The following RPGRIP1 variants were observed in gnomAD, a reference collection of about 807,000 sequenced individuals.
RPGRIP1 encodes the protein X-linked retinitis pigmentosa GTPase regulator-interacting protein 1.
In RPGRIP1, 128 loss-of-function variants were observed where a neutral mutation model predicts 157.9. The observed-to-expected ratio is 0.81, with a 90% CI of 0.70 to 0.94. RPGRIP1 has a LOEUF of 0.94. RPGRIP1 is among the 40% of genes least tolerant of loss of function. RPGRIP1 has a pLI of 0.00. For synonymous variants in RPGRIP1, 554 were observed against 571.6 expected (o/e 0.97, Z 0.44); for missense variants, 1,486 against 1,545.8 (o/e 0.96, Z 0.65).
Position 21,320,082 on chromosome 14 carries a change from C to T in RPGRIP1, c.1372C>T (p.Leu458Phe). Residue 458 changes from leucine (L) to phenylalanine (F), a missense_variant, in exon 12 of 25, where the codon CTC becomes TTC. By Grantham distance (22) the Leu-to-Phe change is conservative. Transcript: ENST00000400017. Reference sequence around the variant, plus strand: ...TCAGAAGCATAAACAGGAAGTAGAGCTCCTCCAAAATGCAGCCACAATTTC... The same window carrying T: ...TCAGAAGCATAAACAGGAAGTAGAGTTCCTCCAAAATGCAGCCACAATTTC... ...ILQKHKQEVE[L>F]LQNAATISQP... The T allele has an allele frequency of 1.2e-6, 2 of 1,613,596 alleles. No individual in the cohort carries two copies. The highest frequency in any genetic ancestry group is 1.7e-6 in the Non-Finnish European group (2 of 1,179,680).
chr14:21,291,351 G>A (rs1451727645), intron 2 of RPGRIP1, among the ~76,000 whole-genome samples: 4 of 152,078 alleles, frequency 2.6e-5, no homozygotes, highest in Non-Finnish European at 5.9e-5. Flanking sequence ...ATAGGAAACC[G>A]TTGTTCAGGA....
At position 21,324,666 on chromosome 14, in the gene RPGRIP1, T is replaced by C; in HGVS notation, c.1811T>C (p.Leu604Ser). The C allele has an allele frequency of 1.2e-6, 2 of 1,614,034 alleles. No individual in the cohort carries two copies. The highest frequency in any genetic ancestry group is 1.7e-6 in the Non-Finnish European group (2 of 1,179,910). Residue 604 changes from leucine to serine, a missense_variant, in exon 15 of 25, where the codon TTG (leucine) becomes TCG (serine). Transcript: ENST00000400017. Reference protein sequence around the residue: ...AYGTRPLSLCLETLPAHGDED... With the variant: ...AYGTRPLSLCSETLPAHGDED... The stretch of plus-strand genomic sequence containing the variant: ...GGCACCCGACCGTTGTCGTTATGTT[T>C]GGAAACACTGCCAGCCCATGGAGAT...
intron 6 of RPGRIP1, among the ~76,000 whole-genome samples, chr14:21,305,151 A>G (rs1282602547): frequency 6.6e-6 from 1 of 152,198 alleles, no homozygotes; most frequent in Non-Finnish European, 1.5e-5. Flanking sequence ...ACATGTATCC[A>G]TCATTATAGC....
At chr14:21,341,235 T>C (rs910246804) in intron 21 of RPGRIP1, among the ~76,000 whole-genome samples, 5 of 152,146 alleles carry the variant, frequency 3.3e-5, no homozygotes, top group African/African-American at 1.2e-4. Flanking sequence ...TTCACCATGT[T>C]GGCCAGGCTG....
intron 23 of RPGRIP1, among the ~76,000 whole-genome samples, chr14:21,347,882 T>C (rs1287910580): frequency 6.6e-6 from 1 of 152,158 alleles, no homozygotes; most frequent in African/African-American, 2.4e-5. Flanking sequence ...TGTGCCACCA[T>C]GCCCGGCTAA....
Position 21,345,001 on chromosome 14 carries a change from AAG to A in RPGRIP1, c.3533-111_3533-110del, listed in dbSNP as rs1885419043. The A allele has an allele frequency of 2.4e-5, 17 of 716,088 alleles. 1 individual carries two copies. The South Asian group carries it at 2.4e-4, about 10-fold the overall frequency. The allele number at this position is 716,088 out of a possible 1,614,324, so 44.4% of individuals were successfully genotyped here. A position where few individuals can be genotyped will look rare whatever the true frequency, so the allele number is the denominator to read the frequency against. On this transcript the variant is annotated intron_variant, in intron 22 of 24. Transcript: ENST00000400017. Reference sequence around the variant, plus strand: ...GGTCCATGTTATTCTAGATCCAGGCAAGGAGTCTAATCTTTTTATGAAAACTA... The same window carrying A: ...GGTCCATGTTATTCTAGATCCAGGCAGAGTCTAATCTTTTTATGAAAACTA...
rs369991630 is a variant in RPGRIP1, at chr14:21,327,610, G to T, written c.2711-13G>T. Reference sequence around the variant, plus strand: ...ATGTGATCAGGTCTTATTAATATCTGTTTGTTTCTCAGGTGATTTTAACCT... The same window carrying T: ...ATGTGATCAGGTCTTATTAATATCTTTTTGTTTCTCAGGTGATTTTAACCT... On this transcript the variant is annotated splice_polypyrimidine_tract_variant and intron_variant, in intron 17 of 24. Coordinates refer to ENST00000400017, the MANE Select transcript of RPGRIP1 (RefSeq NM_020366.4). 576 of 1,612,448 alleles carry T rather than the reference G, an allele frequency of 3.6e-4. No homozygotes were observed. The highest frequency in any genetic ancestry group is 4.6e-4 in the Non-Finnish European group (548 of 1,178,536).
chr14:21,330,766 T>C (rs1883687122), intron 20 of RPGRIP1, among the ~76,000 whole-genome samples: 1 of 152,188 alleles, frequency 6.6e-6, no homozygotes, highest in African/African-American at 2.4e-5. Flanking sequence ...AATGCTAAAG[T>C]TTTCATGGAA....
intron 22 of RPGRIP1, among the ~76,000 whole-genome samples, chr14:21,344,631 G>A (rs749367569): frequency 6.6e-6 from 1 of 152,142 alleles, no homozygotes; most frequent in African/African-American, 2.4e-5. Flanking sequence ...TGATTCAAGT[G>A]TGGAAATCTT....
intron 20 of RPGRIP1, among the ~76,000 whole-genome samples, chr14:21,332,095 T>C (rs954495820): frequency 1.5e-4 from 23 of 151,790 alleles, no homozygotes; most frequent in African/African-American, 5.6e-4. Context: ...TGCCCCACTA[T>C]GCCCGGCTAA....
chr14:21,330,185 A>G lies in RPGRIP1; in HGVS notation c.3100-64A>G. On this transcript the variant is annotated intron_variant, in intron 19 of 24. Transcript: ENST00000400017. ...AATATTTAAAAAGAAGGCAGGAAGG[A>G]AGGAATGAAGAAAGAAAACCAAGAT... 2.6e-6 allele frequency: 3 copies of G among 1,135,160 alleles called. No homozygotes were observed. The South Asian group carries it at 6.4e-5, about 24-fold the overall frequency. The allele number at this position is 1,135,160 out of a possible 1,614,324, so 70.3% of individuals were successfully genotyped here.
At position 21,315,806 on chromosome 14, in the gene RPGRIP1, A is replaced by ATTT. The variant is rs1360256191; in HGVS notation, c.1152-1882_1152-1880dup. Reference sequence around the variant, plus strand: ...GTAGGTTATTATTATTATTATTATTATTTTTTTTTTGAGGCAGAGTCTCAC... The same window carrying ATTT: ...GTAGGTTATTATTATTATTATTATTATTTTTTTTTTTTTGAGGCAGAGTCTCAC... On this transcript the variant is annotated intron_variant, in intron 10 of 24. Transcript: ENST00000400017. Among the ~76,000 whole-genome samples, 479 of 144,660 alleles carry ATTT rather than the reference A, an allele frequency of 3.3e-3. 1 individual carries two copies. Among genetic ancestry groups the ATTT allele is most frequent in the African/African-American group, 0.012 (462 of 38,664 alleles). 94.9% of individuals were successfully genotyped at this position (144,660 alleles called of 152,430 possible).
chr14:21,347,887 G>A (rs763615582), intron 23 of RPGRIP1, among the ~76,000 whole-genome samples: 8 of 152,136 alleles, frequency 5.3e-5, no homozygotes, highest in East Asian at 1.9e-4. Context: ...CACCATGCCC[G>A]GCTAATTTTT....
chr14:21,281,648 C>T (rs1403560081), intron 1 of RPGRIP1, among the ~76,000 whole-genome samples: 2 of 148,382 alleles, frequency 1.3e-5, no homozygotes, highest in Non-Finnish European at 3.0e-5. Context: ...GAGAGCATAC[C>T]GCTGTACTCC....
At chr14:21,305,112 A>G (rs903360796) in intron 6 of RPGRIP1, among the ~76,000 whole-genome samples, 6 of 152,018 alleles carry the variant, frequency 3.9e-5, no homozygotes, top group Admixed American at 1.3e-4. Context: ...GGTGTTGTAC[A>G]TTCTATGGGT....
intron 1 of RPGRIP1, among the ~76,000 whole-genome samples, chr14:21,281,735 A>AATAATAATAATCATC (rs949267854): frequency 2.0e-5 from 3 of 147,600 alleles, no homozygotes; most frequent in Non-Finnish European, 4.5e-5. Context: ...TAATAATAAT[A>AATAATAATAATCATC]ATCAGAGTAA....
Position 21,287,971 on chromosome 14 carries a change from G to T in RPGRIP1, c.-6G>T. The T allele has an allele frequency of 6.2e-7, 1 of 1,606,598 alleles. No homozygotes were observed. The highest frequency in any genetic ancestry group is 8.5e-7 in the Non-Finnish European group (1 of 1,174,046). On this transcript the variant is annotated 5_prime_UTR_variant, in exon 2 of 25. Coordinates refer to ENST00000400017, the MANE Select transcript of RPGRIP1 (RefSeq NM_020366.4). ...TGGGATCTCTTACAGCTTGGGAACA[G>T]AGATCATGTCACATCTGGTGGACCC...
intron 21 of RPGRIP1, among the ~76,000 whole-genome samples, chr14:21,341,142 C>T (rs1884960755): frequency 6.6e-6 from 1 of 152,300 alleles, no homozygotes; most frequent in East Asian, 1.9e-4. Context: ...AAGTGATTCT[C>T]ATGTCAGCCT....
intron 5 of RPGRIP1, 181 bp downstream of exon 5, chr14:21,302,765 G>T: frequency 2.6e-6 from 1 of 379,062 alleles, no homozygotes; most frequent in Non-Finnish European, 4.8e-6. Context: ...GCGTCTCTCT[G>T]TTCTCTGAGG....
Sources: gnomAD v4.1 joint callset for allele counts (sites outside exome capture counted in the v4.1 genomes callset) on GRCh38, gnomAD v4.1.1 for gene constraint, MANE v1.5 for transcripts, NCBI Gene and HGNC (gene_info 2026-07-23, HGNC 2026-07-21) for gene names.